SPOPL: variants seen among roughly 807,000 people sequenced by gnomAD.
SPOPL encodes speckle-type POZ protein-like.
A neutral mutation model predicts 53.8 loss-of-function variants in SPOPL; 23 were observed. The ratio of observed to expected loss-of-function variants is 0.43; its 90% confidence interval spans 0.31 to 0.61. The LOEUF is 0.61. Among genes scored for constraint, SPOPL ranks in the 20% least tolerant of loss-of-function variants. The pLI is 0.12. For synonymous variants in SPOPL, 164 were observed against 149.7 expected, an observed-to-expected ratio of 1.10 and a Z score of -0.70; for missense variants, 442 against 466.9, an observed-to-expected ratio of 0.95 and a Z score of 0.49.
intron 8 of SPOPL, 42 bp downstream of exon 8, chr2:138,560,969 C>T (rs190166995): frequency 2.5e-6 from 4 of 1,581,830 alleles, no homozygotes; most frequent in African/African-American, 2.8e-5. Flanking sequence ...TACCCTCAAG[C>T]TTGATTTATA....
intron 1 of SPOPL, among the ~76,000 whole-genome samples, chr2:138,522,783 A>AG (rs1220812482): frequency 6.6e-6 from 1 of 152,186 alleles, no homozygotes; most frequent in African/African-American, 2.4e-5. Flanking sequence ...CTATCCATTT[A>AG]GTACACATTT....
intron 10 of SPOPL, among the ~76,000 whole-genome samples, 197 bp from the exon 11 acceptor site, chr2:138,568,738 GA>G (rs1057274170): frequency 1.3e-5 from 2 of 152,122 alleles, no homozygotes; most frequent in African/African-American, 4.8e-5. Flanking sequence ...CGAACTTCCA[GA>G]AAAATTTAAT....
chr2:138,521,504 T>C (rs1684556934), intron 1 of SPOPL, among the ~76,000 whole-genome samples: 1 of 152,176 alleles, frequency 6.6e-6, no homozygotes, highest in Non-Finnish European at 1.5e-5. Context: ...GAAATGATTT[T>C]GTGGCGTTAT....
At chr2:138,558,298 AT>A (rs1437618333) in intron 5 of SPOPL, among the ~76,000 whole-genome samples, 2 of 152,236 alleles carry the variant, frequency 1.3e-5, no homozygotes, top group Non-Finnish European at 2.9e-5. Context: ...CTCCATAAAA[AT>A]AATACTGTAA....
At chr2:138,529,536 T>TGTGTGCGCGCG (rs72375808) in intron 1 of SPOPL, among the ~76,000 whole-genome samples, 116 of 97,630 alleles carry the variant, frequency 1.2e-3, no homozygotes, top group African/African-American at 3.7e-3. Context: ...GTGTGTGTGT[T>TGTGTGCGCGCG]TGCGTGCGCG....
intron 1 of SPOPL, among the ~76,000 whole-genome samples, chr2:138,540,708 T>C (rs1205151146): frequency 6.6e-6 from 1 of 152,222 alleles, no homozygotes; most frequent in Non-Finnish European, 1.5e-5. Flanking sequence ...TTTGACTTCC[T>C]CTTTTCCTAA....
chr2:138,506,563 G>C (rs1261112142), intron 1 of SPOPL, among the ~76,000 whole-genome samples: 2 of 152,154 alleles, frequency 1.3e-5, no homozygotes, highest in African/African-American at 4.8e-5. Context: ...TGAGATTTGG[G>C]GGTCCTGGGG....
intron 1 of SPOPL, among the ~76,000 whole-genome samples, chr2:138,546,071 T>C (rs887750238): frequency 2.0e-5 from 3 of 152,214 alleles, no homozygotes; most frequent in African/African-American, 7.2e-5. Flanking sequence ...ATTCTTTTTT[T>C]GTTTTCTGAA....
intron 3 of SPOPL, 140 bp downstream of exon 3, chr2:138,550,744 G>T: frequency 7.1e-7 from 1 of 1,410,124 alleles, no homozygotes; most frequent in East Asian, 2.3e-5. Flanking sequence ...TAATAGTGTG[G>T]GGAATTATAA....
At chr2:138,509,070 G>A (rs1354474168) in intron 1 of SPOPL, among the ~76,000 whole-genome samples, 1 of 152,068 alleles carries the variant, frequency 6.6e-6, no homozygotes, top group Non-Finnish European at 1.5e-5. Context: ...AAAGCTAGCA[G>A]ATTAAAATGA....
intron 1 of SPOPL, among the ~76,000 whole-genome samples, chr2:138,528,997 TA>T (rs2104871368): frequency 6.6e-6 from 1 of 152,338 alleles, no homozygotes; most frequent in South Asian, 2.1e-4. Flanking sequence ...TCATCGTTTT[TA>T]AATTGCCTCT....
At chr2:138,507,350 T>C (rs2104853103) in intron 1 of SPOPL, among the ~76,000 whole-genome samples, 1 of 152,284 alleles carries the variant, frequency 6.6e-6, no homozygotes, top group South Asian at 2.1e-4. Flanking sequence ...TCACTATTTA[T>C]CAGACACTGA....
At chr2:138,540,438 G>C (rs1208062740) in intron 1 of SPOPL, among the ~76,000 whole-genome samples, 3 of 152,082 alleles carry the variant, frequency 2.0e-5, no homozygotes, top group Admixed American at 2.0e-4. Context: ...GTGGTTTGTA[G>C]TTCTCCTTGA....
intron 1 of SPOPL, among the ~76,000 whole-genome samples, chr2:138,531,100 T>G (rs1227854566): frequency 6.6e-6 from 1 of 152,164 alleles, no homozygotes; most frequent in African/African-American, 2.4e-5. Context: ...ATTACATTAA[T>G]AAATTCTGAT....
chr2:138,564,700 T>C lies in SPOPL; in HGVS notation c.838-8T>C, dbSNP rs544786611. 1 of 1,613,378 alleles carries C rather than the reference T, an allele frequency of 6.2e-7. No individual in the cohort carries two copies. The highest frequency in any genetic ancestry group is 1.7e-5 in the Admixed American group (1 of 59,860). ...AATGTTTAATGGTTATGTTTTCATT[T>C]TGGATAGTATGCACTGGAACGGCTG... On this transcript the variant is annotated splice_polypyrimidine_tract_variant and splice_region_variant and intron_variant, in intron 8 of 10. Coordinates refer to ENST00000280098, the MANE Select transcript of SPOPL (RefSeq NM_001001664.3).
At chr2:138,565,868 G>C (rs1685649653) in intron 10 of SPOPL, among the ~76,000 whole-genome samples, 1 of 151,350 alleles carries the variant, frequency 6.6e-6, no homozygotes, top group Non-Finnish European at 1.5e-5. Context: ...CAAGTAGCTG[G>C]AACTACAGGC....
At chr2:138,505,599 A>T (rs1684199683) in intron 1 of SPOPL, among the ~76,000 whole-genome samples, 3 of 80,334 alleles carry the variant, frequency 3.7e-5, no homozygotes, top group South Asian at 3.8e-4. Context: ...TCTTCTAAAA[A>T]AAAAAAAAAA....
intron 1 of SPOPL, among the ~76,000 whole-genome samples, chr2:138,505,235 CTT>C (rs1178072017): frequency 1.3e-5 from 2 of 152,112 alleles, no homozygotes; most frequent in African/African-American, 2.4e-5. Flanking sequence ...AGATGTAACT[CTT>C]TTAAAGTACT....
At chr2:138,534,707 T>TAC (rs1684890463) in intron 1 of SPOPL, among the ~76,000 whole-genome samples, 4 of 152,234 alleles carry the variant, frequency 2.6e-5, no homozygotes, top group Admixed American at 6.5e-5. Flanking sequence ...CACCTCTGTC[T>TAC]AGTTCCAGAA....
Sources: allele counts gnomAD v4.1 joint callset (sites outside exome capture counted in the v4.1 genomes callset), GRCh38; gene constraint gnomAD v4.1.1; transcripts MANE v1.5; gene names NCBI Gene and HGNC (gene_info 2026-07-23, HGNC 2026-07-21).